The following SAMD4A variants were observed in gnomAD, a reference collection of about 807,000 sequenced individuals.
SAMD4A encodes sterile alpha motif domain containing 4A, also known as protein Smaug homolog 1.
A neutral mutation model predicts 81.3 loss-of-function variants in SAMD4A; 33 were observed. That is an observed-to-expected ratio of 0.41 (90% CI 0.31 to 0.54). The LOEUF is 0.54. SAMD4A is among the 20% of genes least tolerant of loss of function. The pLI is 0.37. For missense variants in SAMD4A, 854 were observed against 951.1 expected (o/e 0.90, Z 1.34); for synonymous variants, 389 against 382.1 (o/e 1.02, Z -0.21).
chr14:54,637,292 G>A (rs1345517996), intron 2 of SAMD4A, among the ~76,000 whole-genome samples: 1 of 150,102 alleles, frequency 6.7e-6, no homozygotes, highest in Non-Finnish European at 1.5e-5. Context: ...TTGAACCCGG[G>A]AGGTGGAGGT....
Position 54,775,810 on chromosome 14 carries a change from A to G in SAMD4A, c.1918-604A>G, listed in dbSNP as rs17127941. On this transcript the variant is annotated intron_variant, in intron 10 of 12. Coordinates refer to ENST00000554335, the MANE Select transcript of SAMD4A (RefSeq NM_015589.6). ...ACTAAGGGATGACAGATCAGCTTAA[A>G]AACAGGAAAAGGGCTTCAGGCAAGA... 7.7e-3 allele frequency among the ~76,000 whole-genome samples: 1,174 copies of G among 152,094 alleles called. 14 individuals carry two copies. The highest frequency in any genetic ancestry group is 0.027 in the African/African-American group (1,122 of 41,456).
At chr14:54,677,232 A>C (rs1354384385) in intron 2 of SAMD4A, among the ~76,000 whole-genome samples, 3 of 152,236 alleles carry the variant, frequency 2.0e-5, no homozygotes, top group African/African-American at 7.2e-5. Flanking sequence ...GTTTTACTAC[A>C]CTTTGTAATG....
At chr14:54,625,605 C>T (rs759811037) in intron 2 of SAMD4A, among the ~76,000 whole-genome samples, 1 of 152,154 alleles carries the variant, frequency 6.6e-6, no homozygotes, top group East Asian at 1.9e-4. Flanking sequence ...TCCCTCCATA[C>T]CTCTTTAAAA....
intron 2 of SAMD4A, among the ~76,000 whole-genome samples, chr14:54,675,104 G>A (rs551617235): frequency 5.3e-5 from 8 of 152,172 alleles, no homozygotes; most frequent in South Asian, 4.2e-4. Flanking sequence ...GGTGGCTCGC[G>A]CCTGTAATCC....
intron 2 of SAMD4A, among the ~76,000 whole-genome samples, chr14:54,673,336 C>T (rs1160313205): frequency 6.6e-6 from 1 of 152,194 alleles, no homozygotes; most frequent in African/African-American, 2.4e-5. Context: ...AGAATGAGAT[C>T]ATATAAATAG....
intron 2 of SAMD4A, among the ~76,000 whole-genome samples, chr14:54,630,095 T>A (rs1450105906): frequency 6.6e-6 from 1 of 152,242 alleles, no homozygotes; most frequent in Non-Finnish European, 1.5e-5. Context: ...ACACTTGGGT[T>A]GCTTCCACCC....
chr14:54,787,580 G>A (rs1395759584), intron 12 of SAMD4A, among the ~76,000 whole-genome samples: 1 of 152,214 alleles, frequency 6.6e-6, no homozygotes, highest in Non-Finnish European at 1.5e-5. Flanking sequence ...GACCAGTTCT[G>A]TAATATTGGG....
At chr14:54,571,724 A>T (rs1030561800) in intron 2 of SAMD4A, among the ~76,000 whole-genome samples, 3 of 151,898 alleles carry the variant, frequency 2.0e-5, no homozygotes, top group Admixed American at 6.5e-5. Context: ...GAGCTTGAAG[A>T]CTCTCTCTCA....
At chr14:54,660,382 G>A (rs1029117220) in intron 2 of SAMD4A, among the ~76,000 whole-genome samples, 13 of 152,212 alleles carry the variant, frequency 8.5e-5, no homozygotes, top group African/African-American at 2.7e-4. Flanking sequence ...TCAACCATCC[G>A]CTTCTCTGGA....
intron 2 of SAMD4A, among the ~76,000 whole-genome samples, chr14:54,595,903 A>T (rs1485222784): frequency 2.0e-5 from 3 of 152,182 alleles, no homozygotes; most frequent in Non-Finnish European, 2.9e-5. Context: ...TAGTCTAAGG[A>T]TCTTAGTAAT....
At chr14:54,674,338 A>G (rs1393760723) in intron 2 of SAMD4A, among the ~76,000 whole-genome samples, 1 of 152,228 alleles carries the variant, frequency 6.6e-6, no homozygotes, top group African/African-American at 2.4e-5. Flanking sequence ...AATTTTTTGC[A>G]TGAGGTTCTC....
At chr14:54,627,352 GTCCGTTACATTTGCTGC>G (rs893160421) in intron 2 of SAMD4A, among the ~76,000 whole-genome samples, 46 of 152,266 alleles carry the variant, frequency 3.0e-4, no homozygotes, top group African/African-American at 1.0e-3. Context: ...GACGCAGCTT[GTCCGTTACATTTGCTGC>G]TCCGTGGCTG....
intron 2 of SAMD4A, among the ~76,000 whole-genome samples, chr14:54,594,202 C>T (rs2033854988): frequency 6.6e-6 from 1 of 152,144 alleles, no homozygotes; most frequent in South Asian, 2.1e-4. Flanking sequence ...TCTGTTTATG[C>T]TCTTCTTGGT....
chr14:54,664,601 C>T (rs2035716524), intron 2 of SAMD4A, among the ~76,000 whole-genome samples: 1 of 151,908 alleles, frequency 6.6e-6, no homozygotes, highest in African/African-American at 2.4e-5. Context: ...CCTCCTGTCC[C>T]CCACCCCCTC....
chr14:54,647,380 G>A (rs192211174), intron 2 of SAMD4A, among the ~76,000 whole-genome samples: 10 of 152,230 alleles, frequency 6.6e-5, no homozygotes, highest in Admixed American at 5.9e-4. Context: ...CCAGGTCCCC[G>A]GCTAGTAAGT....
Position 54,630,712 on chromosome 14 carries a change from T to C in SAMD4A, c.196+62600T>C, listed in dbSNP as rs183810539. On this transcript the variant is annotated intron_variant, in intron 2 of 12. Coordinates refer to ENST00000554335, the MANE Select transcript of SAMD4A (RefSeq NM_015589.6). ...TTATCAGGCTTCTAGTGATAGGTTG[T>C]ATCAAGGGGTATTTCACTATGGTGA... 2.0e-5 allele frequency among the ~76,000 whole-genome samples: 3 copies of C among 152,234 alleles called. No homozygotes were observed. In the East Asian group the frequency reaches 5.8e-4, roughly 29 times the overall value.
At chr14:54,609,192 G>A (rs557606370) in intron 2 of SAMD4A, among the ~76,000 whole-genome samples, 2 of 152,296 alleles carry the variant, frequency 1.3e-5, no homozygotes, top group East Asian at 1.9e-4. Flanking sequence ...TAATCACAGC[G>A]CCTTTATAAG....
intron 3 of SAMD4A, 53 bp downstream of exon 3, chr14:54,702,633 A>T: frequency 1.3e-6 from 2 of 1,579,024 alleles, no homozygotes; most frequent in African/African-American, 1.3e-5. Context: ...TTTGCTGTGT[A>T]TGTGGCATGT....
intron 2 of SAMD4A, among the ~76,000 whole-genome samples, chr14:54,640,518 A>G (rs2035150077): frequency 1.3e-5 from 2 of 152,096 alleles, no homozygotes; most frequent in African/African-American, 4.8e-5. Flanking sequence ...TTCCAAATTT[A>G]TGCTATTCTG....
Sources: gnomAD v4.1 joint callset for allele counts (sites outside exome capture counted in the v4.1 genomes callset) on GRCh38, gnomAD v4.1.1 for gene constraint, MANE v1.5 for transcripts, NCBI Gene and HGNC (gene_info 2026-07-23, HGNC 2026-07-21) for gene names.